CTIF: variants seen among roughly 807,000 people sequenced by gnomAD.
The protein encoded by CTIF is CBP80/20-dependent translation initiation factor.
A neutral mutation model predicts 66.0 loss-of-function variants in CTIF; 21 were observed. That is an observed-to-expected ratio of 0.32 (90% CI 0.23 to 0.46). CTIF has a LOEUF of 0.46. Among genes scored for constraint, CTIF ranks in the 20% least tolerant of loss-of-function variants. CTIF has a pLI of 1.00. For synonymous variants in CTIF, 345 were observed against 326.4 expected, an observed-to-expected ratio of 1.06 and a Z score of -0.62; for missense variants, 739 against 812.7, an observed-to-expected ratio of 0.91 and a Z score of 1.10.
At chr18:48,569,404 G>A (rs1011435203) in intron 1 of CTIF, among the ~76,000 whole-genome samples, 1 of 151,788 alleles carries the variant, frequency 6.6e-6, no homozygotes. Flanking sequence ...AGATCAGCAA[G>A]TGATTCGGTG....
At position 48,859,385 on chromosome 18, in the gene CTIF, G is replaced by A. The variant is rs756706333; in HGVS notation, c.1623G>A (p.Glu541=). Residue 541 remains glutamate (E), a synonymous_variant, in exon 12 of 12, where the codon GAG becomes GAA. Coordinates refer to ENST00000256413, the MANE Select transcript of CTIF (RefSeq NM_014772.3). ...GGCTGCTGGAGGAACAGCTGCCTGA[G>A]ATGATGACAGAGCTCCTGGCCAGCG... ...TGRLLEEQLP[E]MMTELLASAR... 5.5e-5 allele frequency: 88 copies of A among 1,614,052 alleles called. No individual in the cohort carries two copies. The South Asian group carries it at 8.8e-4, about 16-fold the overall frequency.
intron 6 of CTIF, among the ~76,000 whole-genome samples, chr18:48,702,103 G>T (rs1186412229): frequency 6.6e-6 from 1 of 152,200 alleles, no homozygotes; most frequent in Non-Finnish European, 1.5e-5. Flanking sequence ...TTAAAAGAAT[G>T]GTCCATGGTG....
At chr18:48,651,825 C>T (rs1027341699) in intron 3 of CTIF, among the ~76,000 whole-genome samples, 1 of 152,214 alleles carries the variant, frequency 6.6e-6, no homozygotes, top group Non-Finnish European at 1.5e-5. Context: ...CTCAAAACCA[C>T]ACAACTACAC....
chr18:48,655,329 A>G (rs2091229823), intron 3 of CTIF, among the ~76,000 whole-genome samples: 1 of 151,498 alleles, frequency 6.6e-6, no homozygotes, highest in Admixed American at 6.6e-5. Context: ...AAGAAGAATA[A>G]AAAAAGCCGG....
intron 6 of CTIF, among the ~76,000 whole-genome samples, chr18:48,686,333 C>A (rs1327665024): frequency 2.6e-5 from 4 of 152,164 alleles, no homozygotes; most frequent in Non-Finnish European, 4.4e-5. Flanking sequence ...AAACTGGCTT[C>A]TGTGTGTTTC....
chr18:48,592,783 T>G (rs977418461), intron 1 of CTIF, among the ~76,000 whole-genome samples: 5 of 152,076 alleles, frequency 3.3e-5, no homozygotes, highest in African/African-American at 1.2e-4. Flanking sequence ...GACTAATCGC[T>G]CTCATCAGCC....
chr18:48,547,104 G>C (rs2088770176), intron 1 of CTIF, among the ~76,000 whole-genome samples: 1 of 152,192 alleles, frequency 6.6e-6, no homozygotes, highest in South Asian at 2.1e-4. Flanking sequence ...AGTGAGGGAG[G>C]AGAGAGAAGA....
intron 1 of CTIF, among the ~76,000 whole-genome samples, chr18:48,576,392 A>T (rs1227562567): frequency 6.6e-6 from 1 of 152,238 alleles, no homozygotes; most frequent in Non-Finnish European, 1.5e-5. Context: ...TACTGGTGCC[A>T]GTGAAGTCCC....
intron 9 of CTIF, among the ~76,000 whole-genome samples, chr18:48,783,784 G>A (rs1383554118): frequency 2.0e-5 from 3 of 152,114 alleles, no homozygotes; most frequent in Admixed American, 6.5e-5. Flanking sequence ...TAGGCCGGGG[G>A]AAACCTGCGG....
At chr18:48,587,304 A>G (rs941556712) in intron 1 of CTIF, among the ~76,000 whole-genome samples, 1 of 151,610 alleles carries the variant, frequency 6.6e-6, no homozygotes, top group Non-Finnish European at 1.5e-5. Context: ...CTGGTCTCGA[A>G]CTCCTGACCT....
intron 10 of CTIF, among the ~76,000 whole-genome samples, chr18:48,819,036 C>T (rs561413710): frequency 2.8e-4 from 43 of 152,140 alleles, no homozygotes; most frequent in African/African-American, 9.6e-4. Context: ...TTGAAGCATC[C>T]GTTTATAGAA....
At chr18:48,590,054 G>A (rs997134356) in intron 1 of CTIF, among the ~76,000 whole-genome samples, 2 of 152,176 alleles carry the variant, frequency 1.3e-5, no homozygotes, top group African/African-American at 4.8e-5. Flanking sequence ...TGTTGCTCTG[G>A]CCCTCCTGAC....
chr18:48,645,861 T>C (rs2091021697), intron 3 of CTIF, among the ~76,000 whole-genome samples: 1 of 152,214 alleles, frequency 6.6e-6, no homozygotes, highest in Non-Finnish European at 1.5e-5. Context: ...CAACCTGGAC[T>C]TCCACTTCCA....
intron 2 of CTIF, among the ~76,000 whole-genome samples, chr18:48,625,992 T>C (rs924580825): frequency 7.0e-6 from 1 of 143,172 alleles, no homozygotes; most frequent in African/African-American, 2.7e-5. Context: ...TCTTATTTCT[T>C]TTTCTTTCTT....
rs1420959975 is a variant in CTIF, at chr18:48,761,711, C to T, written c.1371+22C>T. ...GCAGGTAACTGGACGCCGGCCACCACCGCCCCGCGCCCCCTGCCCCTCTGC... is the reference window on the plus strand; with the variant it reads ...GCAGGTAACTGGACGCCGGCCACCATCGCCCCGCGCCCCCTGCCCCTCTGC... On this transcript the variant is annotated intron_variant, in intron 9 of 11. Coordinates refer to ENST00000256413, the MANE Select transcript of CTIF (RefSeq NM_014772.3). This position sits in a 1 kb window ranked among gnomAD's most constrained non-coding sequence, Gnocchi z 4.2. The T allele has an allele frequency of 1.3e-6, 2 of 1,592,628 alleles. No individual in the cohort carries two copies. The highest frequency in any genetic ancestry group is 1.3e-5 in the African/African-American group (1 of 74,586).
chr18:48,619,466 G>A (rs1386367489), intron 1 of CTIF, 72 bp from the exon 2 acceptor site: 1 of 978,726 alleles, frequency 1.0e-6, no homozygotes. Flanking sequence ...AGCAGAGGGT[G>A]TTTCTCAGGT....
At chr18:48,549,063 T>C (rs777025253) in intron 1 of CTIF, among the ~76,000 whole-genome samples, 21 of 152,148 alleles carry the variant, frequency 1.4e-4, no homozygotes, top group Non-Finnish European at 2.5e-4. Flanking sequence ...TGAGGGCTTA[T>C]GGACACATGG....
intron 6 of CTIF, among the ~76,000 whole-genome samples, chr18:48,698,725 G>A (rs1294081672): frequency 6.6e-6 from 1 of 152,114 alleles, no homozygotes; most frequent in Non-Finnish European, 1.5e-5. Flanking sequence ...CCTTTCTTAG[G>A]GAGGACTCTT....
rs978044817 is a variant in CTIF, at chr18:48,619,526, C to T, written c.-28-12C>T. 4.2e-6 allele frequency: 6 copies of T among 1,422,368 alleles called. No individual in the cohort carries two copies. The highest frequency in any genetic ancestry group is 5.5e-6 in the Non-Finnish European group (6 of 1,085,830). 88.1% of individuals were successfully genotyped at this position (1,422,368 alleles called of 1,614,324 possible). ...AGCGTCTCACGGAGTTCTCTGTCCT[C>T]TTTCCCACCAGTCCCGGCCCAGGCC... On this transcript the variant is annotated splice_polypyrimidine_tract_variant and intron_variant, in intron 1 of 11. Transcript: ENST00000256413.
Sources: allele counts gnomAD v4.1 joint callset (sites outside exome capture counted in the v4.1 genomes callset), GRCh38; gene constraint gnomAD v4.1.1; non-coding constraint Gnocchi (gnomAD v3.1); transcripts MANE v1.5; gene names NCBI Gene and HGNC (gene_info 2026-07-23, HGNC 2026-07-21).